The following SUGCT variants were observed in gnomAD, a reference collection of about 807,000 sequenced individuals.
SUGCT encodes succinyl-CoA:glutarate-CoA transferase.
SUGCT carries 41 observed loss-of-function variants against 55.0 expected under a neutral mutation model. The observed-to-expected ratio is 0.74, with a 90% confidence interval of 0.58 to 0.97. The LOEUF (loss-of-function observed/expected upper bound fraction) is 0.97. Ranked by LOEUF, SUGCT falls within the 50% of genes least tolerant of loss-of-function variation. The pLI is 0.00. For synonymous variants in SUGCT, 187 were observed against 200.4 expected (o/e 0.93, Z 0.56); for missense variants, 568 against 547.8 (o/e 1.04, Z -0.37).
chr7:40,845,853 G>A lies in SUGCT; in HGVS notation c.1154-14463G>A, dbSNP rs114561646. 6.5e-3 allele frequency among the ~76,000 whole-genome samples: 984 copies of A among 152,256 alleles called. 13 individuals are homozygous for A. The highest frequency in any genetic ancestry group is 0.022 in the African/African-American group (928 of 41,544). On this transcript the variant is annotated intron_variant, in intron 13 of 13. Coordinates refer to ENST00000335693, the MANE Select transcript of SUGCT (RefSeq NM_001193313.2). ...TCTGGGGAAGGAATAGAAGATGGTTGATATAAGACTAATTCTTTTACTATA... is the reference window on the plus strand; with the variant it reads ...TCTGGGGAAGGAATAGAAGATGGTTAATATAAGACTAATTCTTTTACTATA...
chr7:40,390,145 T>C (rs558823746), intron 9 of SUGCT, among the ~76,000 whole-genome samples: 1 of 152,050 alleles, frequency 6.6e-6, no homozygotes, highest in African/African-American at 2.4e-5. Context: ...CAAAATAATA[T>C]GAGCTATTTA....
intron 9 of SUGCT, among the ~76,000 whole-genome samples, chr7:40,409,175 A>T (rs1020552620): frequency 6.6e-6 from 1 of 151,962 alleles, no homozygotes; most frequent in Non-Finnish European, 1.5e-5. Flanking sequence ...GGCTGGTCTC[A>T]AACTTATGAA....
At chr7:40,900,277 T>C in the SUGCT span, among the ~76,000 whole-genome samples, 17 of 152,230 alleles carry the variant, frequency 1.1e-4, no homozygotes, top group Non-Finnish European at 2.1e-4. Context: ...TCTTTCCCTC[T>C]GGCTCCTCCT....
intron 7 of SUGCT, among the ~76,000 whole-genome samples, chr7:40,242,189 T>C (rs867329439): frequency 7.1e-4 from 108 of 151,780 alleles, no homozygotes; most frequent in Middle Eastern, 3.4e-3. Flanking sequence ...TTTTTTTTTT[T>C]CAGATAGAGT....
rs575460332 is a variant in SUGCT at position 40,294,616 on chromosome 7, G to A, written c.720+19960G>A. 3.3e-5 allele frequency among the ~76,000 whole-genome samples: 5 copies of A among 152,154 alleles called. No individual in the cohort carries two copies. The East Asian group carries it at 5.8e-4, about 18-fold the overall frequency. ...TGGAGTGCAGTGGCATTGTGATCTCGGCTCACTGCAACCTCCGCTTCTCAG... is the reference window on the plus strand; with the variant it reads ...TGGAGTGCAGTGGCATTGTGATCTCAGCTCACTGCAACCTCCGCTTCTCAG... On this transcript the variant is annotated intron_variant, in intron 8 of 13. Transcript: ENST00000335693.
chr7:40,900,839 C>T, the SUGCT span, among the ~76,000 whole-genome samples: 6 of 152,298 alleles, frequency 3.9e-5, no homozygotes, highest in African/African-American at 1.4e-4. Context: ...TTTTCATTTA[C>T]AAAGTGATTA....
At chr7:40,872,477 A>G in the SUGCT span, among the ~76,000 whole-genome samples, 4 of 152,326 alleles carry the variant, frequency 2.6e-5, no homozygotes, top group East Asian at 1.9e-4. Flanking sequence ...TAGGGACACA[A>G]GTCAAATTAC....
intron 6 of SUGCT, among the ~76,000 whole-genome samples, chr7:40,207,070 G>A (rs950067488): frequency 8.6e-5 from 13 of 151,948 alleles, no homozygotes; most frequent in East Asian, 1.9e-4. Context: ...GTGGTGGTGC[G>A]CACCTGTGGT....
rs139852448 is a variant in SUGCT, at chr7:40,266,408, C to G, written c.577-8105C>G. Among the ~76,000 whole-genome samples the G allele has an allele frequency of 6.1e-3, 932 of 151,896 alleles. 7 individuals carry two copies. Among genetic ancestry groups the G allele is most frequent in the African/African-American group, 0.022 (892 of 41,450 alleles). Reference sequence around the variant, plus strand: ...GGGTGATCTGCCCGCCTCGGCCTCCCAAAGTGCTGGGATTACAGATGTGAG... The same window carrying G: ...GGGTGATCTGCCCGCCTCGGCCTCCGAAAGTGCTGGGATTACAGATGTGAG... On this transcript the variant is annotated intron_variant, in intron 7 of 13. Coordinates refer to ENST00000335693, the MANE Select transcript of SUGCT (RefSeq NM_001193313.2).
the SUGCT span, among the ~76,000 whole-genome samples, chr7:40,903,508 C>T: frequency 2.6e-5 from 4 of 152,176 alleles, no homozygotes; most frequent in Non-Finnish European, 5.9e-5. Context: ...CCTTGGCCGT[C>T]GTTGGAAGTC....
At chr7:40,637,583 C>G (rs1048374595) in intron 12 of SUGCT, among the ~76,000 whole-genome samples, 1 of 152,194 alleles carries the variant, frequency 6.6e-6, no homozygotes, top group Non-Finnish European at 1.5e-5. Context: ...ACACATGGCT[C>G]TCTAGACTGA....
the SUGCT span, among the ~76,000 whole-genome samples, chr7:40,948,087 A>T: frequency 4.6e-5 from 7 of 152,142 alleles, no homozygotes; most frequent in Non-Finnish European, 1.0e-4. Context: ...TGCCCTTTAG[A>T]TTGTTTGTTT....
chr7:40,506,178 G>A (rs1046690022), intron 12 of SUGCT, among the ~76,000 whole-genome samples: 10 of 152,174 alleles, frequency 6.6e-5, no homozygotes, highest in Middle Eastern at 3.4e-3. Flanking sequence ...TTTAATGTAA[G>A]TCTATTAGCA....
intron 13 of SUGCT, among the ~76,000 whole-genome samples, chr7:40,822,914 T>C (rs1397274916): frequency 6.6e-6 from 1 of 151,834 alleles, no homozygotes; most frequent in African/African-American, 2.4e-5. Flanking sequence ...AAGTGAAGAA[T>C]CAGTAAGCAA....
intron 11 of SUGCT, among the ~76,000 whole-genome samples, chr7:40,465,116 C>T (rs1790032421): frequency 6.6e-6 from 1 of 152,170 alleles, no homozygotes; most frequent in South Asian, 2.1e-4. Flanking sequence ...TTTTAAAATA[C>T]TGTGGCAATT....
chr7:40,393,114 G>A (rs572177471), intron 9 of SUGCT, among the ~76,000 whole-genome samples: 3 of 152,286 alleles, frequency 2.0e-5, no homozygotes, highest in African/African-American at 7.2e-5. Context: ...TTTATCATCT[G>A]TGGTAGGTGC....
chr7:40,760,179 C>T (rs190041348), intron 13 of SUGCT, among the ~76,000 whole-genome samples: 1 of 152,270 alleles, frequency 6.6e-6, no homozygotes, highest in Admixed American at 6.5e-5. Context: ...GGGCAAATTT[C>T]CTCTTGCTGA....
At chr7:40,371,254 A>G (rs1453964173) in intron 9 of SUGCT, among the ~76,000 whole-genome samples, 2 of 152,174 alleles carry the variant, frequency 1.3e-5, no homozygotes, top group Admixed American at 1.3e-4. Flanking sequence ...AGTGACTACA[A>G]AAGTTAAATA....
chr7:40,552,020 A>G (rs1795324765), intron 12 of SUGCT, among the ~76,000 whole-genome samples: 1 of 152,236 alleles, frequency 6.6e-6, no homozygotes. Flanking sequence ...CCGATTTTCT[A>G]GAAAACAAAA....
Sources: gnomAD v4.1 joint callset for allele counts (sites outside exome capture counted in the v4.1 genomes callset) on GRCh38, gnomAD v4.1.1 for gene constraint, MANE v1.5 for transcripts, NCBI Gene and HGNC (gene_info 2026-07-23, HGNC 2026-07-21) for gene names.